XXYLT1: variants seen among roughly 807,000 people sequenced by gnomAD.
XXYLT1 encodes the protein UDP-xylose:alpha-xyloside alpha-1,3-xylosyltransferase.
In XXYLT1, 20 loss-of-function variants were observed where a neutral mutation model predicts 28.9. That is an observed-to-expected ratio of 0.69 (90% CI 0.49 to 1.00). XXYLT1 has a LOEUF of 1.00. Ranked by LOEUF, XXYLT1 falls within the 50% of genes least tolerant of loss-of-function variation. The pLI is 0.00. For missense variants in XXYLT1, 542 were observed against 560.1 expected (o/e 0.97, Z 0.33); for synonymous variants, 257 against 253.8 (o/e 1.01, Z -0.12).
In XXYLT1 at chr3:195,240,783, C is replaced by A. The variant is rs1023799124; in HGVS notation, c.505-13927G>T. Among the ~76,000 whole-genome samples the A allele has an allele frequency of 2.0e-5, 3 of 152,244 alleles. No homozygotes were observed. The highest frequency in any genetic ancestry group is 7.2e-5 in the African/African-American group (3 of 41,472). ...AGTCCAGCAATCCTGGTGCCCCTGCCAATGCTGAATCCACCTCCTGAAGGA... is the reference window on the plus strand; with the variant it reads ...AGTCCAGCAATCCTGGTGCCCCTGCAAATGCTGAATCCACCTCCTGAAGGA... On this transcript the variant is annotated intron_variant, in intron 1 of 3. Coordinates refer to ENST00000310380, the MANE Select transcript of XXYLT1 (RefSeq NM_152531.5). This position sits in a 1 kb window ranked among gnomAD's most constrained non-coding sequence, Gnocchi z 4.7.
chr3:195,163,771 C>A (rs73063103), intron 2 of XXYLT1, among the ~76,000 whole-genome samples: 2 of 152,300 alleles, frequency 1.3e-5, no homozygotes, highest in African/African-American at 2.4e-5. Context: ...AAGACCCAGA[C>A]GACTTCTGCT....
At position 195,209,055 on chromosome 3, in the gene XXYLT1, G is replaced by A. The variant is rs936651085; in HGVS notation, c.652+17654C>T. 1.3e-5 allele frequency among the ~76,000 whole-genome samples: 2 copies of A among 152,202 alleles called. No individual in the cohort carries two copies. Among genetic ancestry groups the A allele is most frequent in the African/African-American group, 4.8e-5 (2 of 41,456 alleles). On this transcript the variant is annotated intron_variant, in intron 2 of 3. Transcript: ENST00000310380. This position sits in a 1 kb window ranked among gnomAD's most constrained non-coding sequence, Gnocchi z 5.0. ...ACTGTACCTGACTCCCCCAACCCAA[G>A]ACAGAAGGGAAGCCATCGCCCACCT...
chr3:195,103,227 G>A (rs1385305896), intron 3 of XXYLT1, among the ~76,000 whole-genome samples: 3 of 152,258 alleles, frequency 2.0e-5, no homozygotes, highest in Non-Finnish European at 4.4e-5. Flanking sequence ...TCCAGGCCAT[G>A]AGGCTGGGCC....
chr3:195,224,155 G>T (rs760603298), intron 2 of XXYLT1, among the ~76,000 whole-genome samples: 19 of 151,200 alleles, frequency 1.3e-4, no homozygotes, highest in Non-Finnish European at 2.8e-4. Flanking sequence ...GCAAAACTCC[G>T]CCTAAAAATA....
At chr3:195,262,230 C>T (rs1303154911) in intron 1 of XXYLT1, among the ~76,000 whole-genome samples, 1 of 152,192 alleles carries the variant, frequency 6.6e-6, no homozygotes, top group Non-Finnish European at 1.5e-5. Flanking sequence ...AAGCCAGACA[C>T]AAAAGACCAC....
intron 1 of XXYLT1, among the ~76,000 whole-genome samples, chr3:195,258,774 G>A (rs149153753): frequency 2.0e-4 from 30 of 152,346 alleles, no homozygotes; most frequent in South Asian, 2.1e-4. Flanking sequence ...CTTTCAGAGA[G>A]AGGCAAACAA....
chr3:195,177,203 T>C (rs1020964072), intron 2 of XXYLT1, among the ~76,000 whole-genome samples: 1 of 152,344 alleles, frequency 6.6e-6, no homozygotes, highest in South Asian at 2.1e-4. Context: ...TTCTACTGCA[T>C]ATGCACACAG....
At chr3:195,090,922 C>T (rs1431359103) in intron 3 of XXYLT1, among the ~76,000 whole-genome samples, 1 of 151,656 alleles carries the variant, frequency 6.6e-6, no homozygotes, top group African/African-American at 2.4e-5. Flanking sequence ...AACTAGAAAA[C>T]CTAGAAGAAA....
intron 2 of XXYLT1, among the ~76,000 whole-genome samples, chr3:195,159,328 AAGAG>A (rs1359786893): frequency 6.6e-6 from 1 of 152,216 alleles, no homozygotes; most frequent in Non-Finnish European, 1.5e-5. Context: ...GAGGGCCAAG[AAGAG>A]AGACTTGTCA....
At position 195,076,300 on chromosome 3, in the gene XXYLT1, C is replaced by CGGT. The variant is rs1715113055; in HGVS notation, c.786-6190_786-6189insACC. 1.8e-5 allele frequency among the ~76,000 whole-genome samples: 2 copies of CGGT among 109,528 alleles called. 1 individual carries two copies. Among genetic ancestry groups the CGGT allele is most frequent in the Admixed American group, 1.6e-4 (2 of 12,486 alleles). 71.9% of individuals were successfully genotyped at this position (109,528 alleles called of 152,430 possible). Reference sequence around the variant, plus strand: ...TGTTACCACCCACCCCACACCCACCCGTTCCAGAGAGGAAGAAGCCCGCAC... The same window carrying CGGT: ...TGTTACCACCCACCCCACACCCACCCGGTGTTCCAGAGAGGAAGAAGCCCGCAC... On this transcript the variant is annotated intron_variant, in intron 3 of 3. Coordinates refer to ENST00000310380, the MANE Select transcript of XXYLT1 (RefSeq NM_152531.5). The surrounding 1 kb of genome is among the most constrained non-coding windows in gnomAD (Gnocchi z 5.3).
At chr3:195,125,873 G>A (rs558408812) in intron 3 of XXYLT1, among the ~76,000 whole-genome samples, 7 of 152,098 alleles carry the variant, frequency 4.6e-5, no homozygotes, top group African/African-American at 1.4e-4. Flanking sequence ...TCCACCTCCC[G>A]CAGCAGCCAG....
intron 3 of XXYLT1, among the ~76,000 whole-genome samples, chr3:195,112,513 CCCACA>C (rs764743356): frequency 0.47 from 67,558 of 142,394 alleles, 16,159 homozygotes; most frequent in Middle Eastern, 0.55. Context: ...CCCACACACA[CCCACA>C]CACACACACA....
chr3:195,074,519 G>T (rs185012448), intron 3 of XXYLT1, among the ~76,000 whole-genome samples: 89 of 152,326 alleles, frequency 5.8e-4, no homozygotes, highest in Middle Eastern at 6.8e-3. Flanking sequence ...AGTCATCCAA[G>T]ATGAGAGTCC....
At position 195,226,754 on chromosome 3, in the gene XXYLT1, A is replaced by T. The variant is rs1386743597; in HGVS notation, c.607T>A (p.Ser203Thr). The change falls in exon 2 of 4, where the codon TCC (serine) becomes ACC (threonine). Residue 203 changes from serine to threonine, a missense_variant. Transcript: ENST00000310380. ...ATGGCGACCGAGAGGAAGAAGATGG[A>T]GTCACTGTAGTAGGTTCCCAAGCCA... ...SAGLGTYYSD[S>T]IFFLSVAMHQ... The T allele has an allele frequency of 6.2e-7, 1 of 1,613,662 alleles. No individual in the cohort carries two copies. The highest frequency in any genetic ancestry group is 1.3e-5 in the African/African-American group (1 of 74,804).
At chr3:195,109,218 G>A (rs1717317135) in intron 3 of XXYLT1, among the ~76,000 whole-genome samples, 1 of 152,242 alleles carries the variant, frequency 6.6e-6, no homozygotes, top group South Asian at 2.1e-4. Context: ...GAGGGCACAG[G>A]CAAGGTACTT....
rs767311846 is a variant in XXYLT1, at chr3:195,124,421, C to T, written c.785+32028G>A. ...ACTCACCTGGAAGGGAAATGGTTTG[C>T]GATGGCAGCATGAGAGAGCTCTGGG... On this transcript the variant is annotated intron_variant, in intron 3 of 3. Transcript: ENST00000310380. This position sits in a 1 kb window ranked among gnomAD's most constrained non-coding sequence, Gnocchi z 4.1. 2.0e-5 allele frequency among the ~76,000 whole-genome samples: 3 copies of T among 152,170 alleles called. No homozygotes were observed. Among genetic ancestry groups the T allele is most frequent in the Non-Finnish European group, 4.4e-5 (3 of 68,036 alleles).
intron 1 of XXYLT1, among the ~76,000 whole-genome samples, chr3:195,248,828 G>C (rs993002249): frequency 2.0e-5 from 3 of 152,210 alleles, no homozygotes; most frequent in Non-Finnish European, 2.9e-5. Flanking sequence ...GCTAAGGCAG[G>C]AGAATCGCTT....
At chr3:195,182,945 T>C (rs1437894656) in intron 2 of XXYLT1, among the ~76,000 whole-genome samples, 3 of 152,224 alleles carry the variant, frequency 2.0e-5, no homozygotes, top group Non-Finnish European at 4.4e-5. Context: ...ATAAAGAAGA[T>C]TAACTATGTT....
intron 3 of XXYLT1, among the ~76,000 whole-genome samples, chr3:195,147,193 T>C (rs1211473626): frequency 3.3e-5 from 5 of 152,196 alleles, no homozygotes; most frequent in African/African-American, 1.2e-4. Context: ...TATATCTTCC[T>C]TGAAAGCAAG....
Sources: allele counts gnomAD v4.1 joint callset (sites outside exome capture counted in the v4.1 genomes callset), GRCh38; gene constraint gnomAD v4.1.1; non-coding constraint Gnocchi (gnomAD v3.1); transcripts MANE v1.5; gene names NCBI Gene and HGNC (gene_info 2026-07-23, HGNC 2026-07-21).